Variants in L3MBTL4 observed in about 807,000 individuals in gnomAD.
L3MBTL4 encodes lethal(3)malignant brain tumor-like protein 4.
A neutral mutation model predicts 84.5 loss-of-function variants in L3MBTL4; 70 were observed. The observed-to-expected ratio is 0.83, with a 90% CI of 0.68 to 1.01. The LOEUF (loss-of-function observed/expected upper bound fraction) is 1.01, where lower values mean the gene tolerates loss of function less well. Among genes scored for constraint, L3MBTL4 ranks in the 50% least tolerant of loss-of-function variants. The probability of loss-of-function intolerance (pLI) is 0.00; values close to 1 mark genes in which losing one functional copy is unlikely to be tolerated. For missense variants in L3MBTL4, 715 were observed against 754.8 expected (o/e 0.95, Z 0.62); for synonymous variants, 274 against 259.8 (o/e 1.05, Z -0.52).
intron 4 of L3MBTL4, among the ~76,000 whole-genome samples, chr18:6,290,127 G>C (rs989820093): frequency 2.0e-5 from 3 of 152,100 alleles, no homozygotes; most frequent in African/African-American, 7.2e-5. Flanking sequence ...TCACTAGGTT[G>C]CCCAGGCTGA....
At chr18:6,029,748 A>G (rs1216357910) in intron 16 of L3MBTL4, 1 of 985,122 alleles carries the variant, frequency 1.0e-6, no homozygotes, top group Non-Finnish European at 1.2e-6. Flanking sequence ...CCAAAAATTA[A>G]CCAACTGGAA....
chr18:5,962,714 G>A (rs1175555607), intron 17 of L3MBTL4, among the ~76,000 whole-genome samples: 3 of 152,214 alleles, frequency 2.0e-5, no homozygotes, highest in Non-Finnish European at 4.4e-5. Flanking sequence ...AGCGCTGCAG[G>A]AAGCTAGAGA....
chr18:6,314,148 A>G (rs2050975791), intron 1 of L3MBTL4, among the ~76,000 whole-genome samples: 1 of 152,198 alleles, frequency 6.6e-6, no homozygotes, highest in African/African-American at 2.4e-5. Flanking sequence ...ATGTCAATGC[A>G]AAGAGCATAT....
intron 10 of L3MBTL4, among the ~76,000 whole-genome samples, chr18:6,218,749 G>A (rs1350355350): frequency 6.6e-6 from 1 of 152,140 alleles, no homozygotes; most frequent in Non-Finnish European, 1.5e-5. Context: ...AATGTCATAT[G>A]GCCCAGGGAG....
At chr18:6,389,690 G>A (rs2054966945) in intron 1 of L3MBTL4, among the ~76,000 whole-genome samples, 1 of 152,102 alleles carries the variant, frequency 6.6e-6, no homozygotes, top group African/African-American at 2.4e-5. Flanking sequence ...AGCAATAGCA[G>A]TTAAAAAAGA....
chr18:6,383,117 A>T (rs1018639442), intron 1 of L3MBTL4, among the ~76,000 whole-genome samples: 29 of 152,062 alleles, frequency 1.9e-4, no homozygotes, highest in African/African-American at 6.0e-4. Flanking sequence ...CTGTGAGGGT[A>T]AAACTGCCTA....
chr18:6,398,613 A>G (rs1224081690), intron 1 of L3MBTL4, among the ~76,000 whole-genome samples: 3 of 152,128 alleles, frequency 2.0e-5, no homozygotes, highest in African/African-American at 7.2e-5. Flanking sequence ...TTGGTAAAGC[A>G]TATGCCAGAA....
intron 16 of L3MBTL4, among the ~76,000 whole-genome samples, chr18:6,039,991 C>T (rs1380545539): frequency 1.3e-5 from 2 of 152,112 alleles, no homozygotes; most frequent in African/African-American, 4.8e-5. Context: ...TTTTCAAAAA[C>T]TCGTTTTCAA....
chr18:5,974,198 A>G (rs2052786875), intron 16 of L3MBTL4, among the ~76,000 whole-genome samples: 1 of 152,224 alleles, frequency 6.6e-6, no homozygotes, highest in African/African-American at 2.4e-5. Flanking sequence ...AAAAAAATAT[A>G]TGATGAAGAG....
intron 1 of L3MBTL4, among the ~76,000 whole-genome samples, chr18:6,365,196 C>G (rs2053880139): frequency 6.6e-6 from 1 of 151,970 alleles, no homozygotes; most frequent in Non-Finnish European, 1.5e-5. Flanking sequence ...ATGGAATAAA[C>G]ATGCTTCCCT....
chr18:6,157,104 G>A (rs1351299882), intron 13 of L3MBTL4, among the ~76,000 whole-genome samples: 2 of 152,156 alleles, frequency 1.3e-5, no homozygotes, highest in Non-Finnish European at 2.9e-5. Context: ...AGTCTATCAT[G>A]TAGATCTGTA....
At chr18:6,131,502 C>T (rs562495827) in intron 14 of L3MBTL4, among the ~76,000 whole-genome samples, 2 of 152,030 alleles carry the variant, frequency 1.3e-5, no homozygotes, top group African/African-American at 2.4e-5. Context: ...GGTAAAGGTA[C>T]ATATCTATGA....
chr18:6,359,336 T>C (rs1164280607), intron 1 of L3MBTL4, among the ~76,000 whole-genome samples: 1 of 152,006 alleles, frequency 6.6e-6, no homozygotes, highest in Non-Finnish European at 1.5e-5. Context: ...TCCCAGCTAT[T>C]TGGGAGGCTG....
chr18:6,008,614 C>T (rs1425746336), intron 16 of L3MBTL4, among the ~76,000 whole-genome samples: 1 of 152,188 alleles, frequency 6.6e-6, no homozygotes, highest in Non-Finnish European at 1.5e-5. Flanking sequence ...GGGCTTCACC[C>T]TCATGGCCAC....
rs139573851 is a variant in L3MBTL4 at position 6,239,852 on chromosome 18, T to C, written c.573A>G (p.Glu191=). 1.9e-6 allele frequency: 3 copies of C among 1,614,026 alleles called. No individual in the cohort carries two copies. Among genetic ancestry groups the C allele is most frequent in the Non-Finnish European group, 2.5e-6 (3 of 1,180,036 alleles). The part of the protein sequence containing the change: ...NRSPNGPMSK[E]FQVGMKLEAV... Reference sequence around the variant, plus strand: ...CCTCCAGCTTCATTCCAACCTGAAATTCTTTAGACATTGGCCCATTCTAAC... The same window carrying C: ...CCTCCAGCTTCATTCCAACCTGAAACTCTTTAGACATTGGCCCATTCTAAC... Residue 191 remains glutamate (E), a synonymous_variant, in exon 9 of 19, where the codon GAA becomes GAG. Transcript: ENST00000317931.
In L3MBTL4 at chr18:6,287,945, A is replaced by G. The variant is rs537137846; in HGVS notation, c.127+13958T>C. Among the ~76,000 whole-genome samples, 20 of 152,290 alleles carry G rather than the reference A, an allele frequency of 1.3e-4. No individual in the cohort carries two copies. The South Asian group carries it at 2.1e-3, about 16-fold the overall frequency. ...GAGGTCCCAGCTACTCAGGAGGCTG[A>G]GGGAGGAGGATCACTTGAGCCCAGA... On this transcript the variant is annotated intron_variant, in intron 4 of 18. Coordinates refer to ENST00000317931, the MANE Select transcript of L3MBTL4 (RefSeq NM_001330559.2).
intron 1 of L3MBTL4, among the ~76,000 whole-genome samples, chr18:6,312,848 G>A (rs1323278183): frequency 6.6e-6 from 1 of 152,098 alleles, no homozygotes; most frequent in Admixed American, 6.6e-5. Context: ...CAATCCAAAA[G>A]TCTTAAAGTT....
At chr18:6,382,381 A>G (rs530029333) in intron 1 of L3MBTL4, among the ~76,000 whole-genome samples, 36 of 152,244 alleles carry the variant, frequency 2.4e-4, no homozygotes, top group Middle Eastern at 3.4e-3. Context: ...CTTGCTGGCG[A>G]GGAGTTGTGA....
intron 14 of L3MBTL4, among the ~76,000 whole-genome samples, chr18:6,137,822 A>AAC (rs2060071452): frequency 5.3e-5 from 8 of 152,260 alleles, no homozygotes; most frequent in Admixed American, 5.2e-4. Flanking sequence ...AGACAGAAAA[A>AAC]GAAATAGAGG....
Sources: allele counts gnomAD v4.1 joint callset (sites outside exome capture counted in the v4.1 genomes callset), GRCh38; gene constraint gnomAD v4.1.1; transcripts MANE v1.5; gene names NCBI Gene and HGNC (gene_info 2026-07-23, HGNC 2026-07-21).